XKR6: variants seen among roughly 807,000 people sequenced by gnomAD.
The protein encoded by XKR6 is XK-related protein 6.
A neutral mutation model predicts 56.7 loss-of-function variants in XKR6; 22 were observed. The ratio of observed to expected loss-of-function variants is 0.39; its 90% confidence interval spans 0.28 to 0.55. The LOEUF is 0.55. Among genes scored for constraint, XKR6 ranks in the 20% least tolerant of loss-of-function variants. XKR6 has a pLI of 0.66. For synonymous variants in XKR6, 524 were observed against 387.8 expected (o/e 1.35, Z -4.13); for missense variants, 852 against 889.0 (o/e 0.96, Z 0.53).
intron 1 of XKR6, among the ~76,000 whole-genome samples, chr8:11,114,722 C>G (rs1799075808): frequency 1.2e-5 from 1 of 80,770 alleles, no homozygotes; most frequent in East Asian, 2.1e-4. Flanking sequence ...CTACTTAGAT[C>G]ACATATGTGT....
At chr8:11,080,355 C>T (rs1389873180) in intron 1 of XKR6, among the ~76,000 whole-genome samples, 1 of 151,730 alleles carries the variant, frequency 6.6e-6, no homozygotes, top group Non-Finnish European at 1.5e-5. Context: ...AAAGGACAGG[C>T]TTTAGAAACA....
rs150301917 is a variant in XKR6 at position 10,957,098 on chromosome 8, G to T, written c.765-32268C>A. Among the ~76,000 whole-genome samples the T allele has an allele frequency of 1.6e-4, 24 of 152,168 alleles. No individual in the cohort carries two copies. In the South Asian group the frequency reaches 4.4e-3, roughly 28 times the overall value. On this transcript the variant is annotated intron_variant, in intron 1 of 2. Coordinates refer to ENST00000416569, the MANE Select transcript of XKR6 (RefSeq NM_173683.4). ...CCCGAGTAGCTGGGATTACAGGCAC[G>T]TGCCACCATGCCCGTTTAATTTTTG...
intron 1 of XKR6, among the ~76,000 whole-genome samples, chr8:11,011,601 G>A (rs1007284240): frequency 1.3e-5 from 2 of 152,186 alleles, no homozygotes; most frequent in South Asian, 2.1e-4. Context: ...AATCTAACAC[G>A]AAAGAGACAG....
chr8:11,193,867 C>CA (rs922937825), intron 1 of XKR6, among the ~76,000 whole-genome samples: 6 of 149,952 alleles, frequency 4.0e-5, no homozygotes, highest in African/African-American at 9.8e-5. Flanking sequence ...AAACAGATTA[C>CA]AAAAAAAAGA....
At chr8:11,156,485 T>C (rs899773910) in intron 1 of XKR6, among the ~76,000 whole-genome samples, 1 of 152,190 alleles carries the variant, frequency 6.6e-6, no homozygotes, top group African/African-American at 2.4e-5. Context: ...GTTTCAAAGA[T>C]CTGTGAAACA....
intron 1 of XKR6, among the ~76,000 whole-genome samples, chr8:11,069,456 G>C (rs536104154): frequency 6.6e-6 from 1 of 152,070 alleles, no homozygotes; most frequent in Non-Finnish European, 1.5e-5. Flanking sequence ...GCCACACCTC[G>C]GGGTCATACA....
intron 2 of XKR6, among the ~76,000 whole-genome samples, chr8:10,912,488 G>T (rs1413157552): frequency 7.2e-6 from 1 of 139,818 alleles, no homozygotes; most frequent in Non-Finnish European, 1.5e-5. Flanking sequence ...GAGAGAGAGA[G>T]ACAGGGTGTG....
At chr8:11,188,254 T>C (rs1037173894) in intron 1 of XKR6, among the ~76,000 whole-genome samples, 5 of 152,186 alleles carry the variant, frequency 3.3e-5, no homozygotes, top group Admixed American at 3.3e-4. Flanking sequence ...AAAGGCCTGC[T>C]TGGGTACACA....
At chr8:10,907,028 C>G (rs1800205425) in intron 2 of XKR6, among the ~76,000 whole-genome samples, 1 of 150,896 alleles carries the variant, frequency 6.6e-6, no homozygotes, top group Admixed American at 6.6e-5. Context: ...AGCCTGGCAA[C>G]AGAGCAAGAC....
At chr8:11,073,941 G>A (rs1292746163) in intron 1 of XKR6, among the ~76,000 whole-genome samples, 3 of 152,144 alleles carry the variant, frequency 2.0e-5, no homozygotes, top group Non-Finnish European at 4.4e-5. Context: ...ATGCTGCCAG[G>A]AAATGAGCCA....
At chr8:11,001,106 G>A (rs1380851075) in intron 1 of XKR6, among the ~76,000 whole-genome samples, 1 of 152,196 alleles carries the variant, frequency 6.6e-6, no homozygotes, top group African/African-American at 2.4e-5. Flanking sequence ...TGCACATGGG[G>A]AGTGAGAAAC....
chr8:10,978,733 A>C (rs1320756116), intron 1 of XKR6, among the ~76,000 whole-genome samples: 1 of 152,136 alleles, frequency 6.6e-6, no homozygotes, highest in Admixed American at 6.5e-5. Flanking sequence ...CCTCTGCTTC[A>C]GCCATAGACC....
intron 1 of XKR6, among the ~76,000 whole-genome samples, chr8:10,930,148 G>A (rs945989772): frequency 6.6e-6 from 1 of 152,114 alleles, no homozygotes; most frequent in Admixed American, 6.6e-5. Flanking sequence ...GACTGGCTGG[G>A]GTAGAAAATA....
At chr8:11,173,888 T>G (rs1291628463) in intron 1 of XKR6, among the ~76,000 whole-genome samples, 1 of 152,140 alleles carries the variant, frequency 6.6e-6, no homozygotes, top group Non-Finnish European at 1.5e-5. Flanking sequence ...CACCTAGTTA[T>G]TAGACGGGAC....
chr8:11,098,985 T>C (rs1470228880), intron 1 of XKR6, among the ~76,000 whole-genome samples: 1 of 152,206 alleles, frequency 6.6e-6, no homozygotes, highest in African/African-American at 2.4e-5. Flanking sequence ...AAGAATTTTC[T>C]TTATGGGTAT....
intron 1 of XKR6, among the ~76,000 whole-genome samples, chr8:11,013,472 G>C (rs373571322): frequency 1.2e-4 from 18 of 152,300 alleles, no homozygotes; most frequent in Middle Eastern, 3.4e-3. Flanking sequence ...CTGCCTCTAG[G>C]GACTCTGTCT....
chr8:11,199,212 G>A (rs1451757805), intron 1 of XKR6, among the ~76,000 whole-genome samples: 3 of 152,202 alleles, frequency 2.0e-5, no homozygotes, highest in Non-Finnish European at 4.4e-5. Context: ...GTGGTGCAGG[G>A]CCTACGGAAC....
intron 1 of XKR6, among the ~76,000 whole-genome samples, chr8:11,127,119 T>A (rs558144571): frequency 1.3e-5 from 2 of 152,282 alleles, no homozygotes; most frequent in East Asian, 3.9e-4. Flanking sequence ...ATAAACATCA[T>A]CACTTTCATG....
chr8:10,982,599 T>C (rs999825685), intron 1 of XKR6, among the ~76,000 whole-genome samples: 1 of 152,158 alleles, frequency 6.6e-6, no homozygotes, highest in African/African-American at 2.4e-5. Flanking sequence ...TGCTGTCAAG[T>C]TCAGTAATGG....
Sources: gnomAD v4.1 joint callset for allele counts (sites outside exome capture counted in the v4.1 genomes callset) on GRCh38, gnomAD v4.1.1 for gene constraint, MANE v1.5 for transcripts, NCBI Gene and HGNC (gene_info 2026-07-23, HGNC 2026-07-21) for gene names.